Variants in ABTB3 observed in about 807,000 individuals in gnomAD.
ABTB3 encodes the protein ankyrin repeat and BTB domain containing 3, also known as ankyrin repeat- and BTB/POZ domain-containing protein 3.
the ABTB3 span, among the ~76,000 whole-genome samples, chr12:107,338,909 C>T: frequency 2.0e-5 from 3 of 152,150 alleles, no homozygotes; most frequent in Admixed American, 6.5e-5. Flanking sequence ...GCTCTATAGC[C>T]TTGGACTCCC....
chr12:107,339,903 C>A, the ABTB3 span, among the ~76,000 whole-genome samples: 1 of 152,064 alleles, frequency 6.6e-6, no homozygotes, highest in Non-Finnish European at 1.5e-5. Flanking sequence ...AAACCATTAC[C>A]TTTATATTCC....
At chr12:107,526,970 A>G in the ABTB3 span, among the ~76,000 whole-genome samples, 1 of 152,166 alleles carries the variant, frequency 6.6e-6, no homozygotes. Flanking sequence ...TATTTCTTGA[A>G]TATTCCACTC....
chr12:107,343,153 C>T, the ABTB3 span, among the ~76,000 whole-genome samples: 3 of 152,078 alleles, frequency 2.0e-5, no homozygotes, highest in Non-Finnish European at 2.9e-5. Flanking sequence ...TAGCTGGGAC[C>T]ACAAGTGCAC....
At chr12:107,435,776 G>A in the ABTB3 span, among the ~76,000 whole-genome samples, 2 of 152,038 alleles carry the variant, frequency 1.3e-5, no homozygotes, top group African/African-American at 4.8e-5. Flanking sequence ...TTACTTCCTT[G>A]GGATGTAATT....
At chr12:107,601,763 G>A in the ABTB3 span, among the ~76,000 whole-genome samples, 2 of 152,116 alleles carry the variant, frequency 1.3e-5, no homozygotes, top group Non-Finnish European at 1.5e-5. Context: ...TTCATCATAG[G>A]GTTATTATGA....
chr12:107,411,894 C>T, the ABTB3 span, among the ~76,000 whole-genome samples: 1 of 152,208 alleles, frequency 6.6e-6, no homozygotes, highest in Non-Finnish European at 1.5e-5. Flanking sequence ...TAGCCATACT[C>T]AGACCGGTGG....
chr12:107,594,524 T>C, the ABTB3 span, among the ~76,000 whole-genome samples: 1 of 152,212 alleles, frequency 6.6e-6, no homozygotes, highest in Non-Finnish European at 1.5e-5. Context: ...TTTGCTGAGA[T>C]AATATAATTT....
chr12:107,392,215 G>A, the ABTB3 span, among the ~76,000 whole-genome samples: 1 of 152,182 alleles, frequency 6.6e-6, no homozygotes, highest in African/African-American at 2.4e-5. Flanking sequence ...GGCAGGCCGG[G>A]GTCCCTGCCG....
At chr12:107,634,755 C>T in the ABTB3 span, 1 of 152,110 alleles carries the variant, frequency 6.6e-6, no homozygotes, top group Admixed American at 6.5e-5. Context: ...TGTTTGGAGC[C>T]AGTGATTCAG....
the ABTB3 span, among the ~76,000 whole-genome samples, chr12:107,621,985 A>G: frequency 6.6e-6 from 1 of 152,318 alleles, no homozygotes; most frequent in South Asian, 2.1e-4. Context: ...TCATGCCTGT[A>G]ATCCCAGCAC....
chr12:107,429,089 T>C, the ABTB3 span, among the ~76,000 whole-genome samples: 3 of 152,106 alleles, frequency 2.0e-5, no homozygotes, highest in Admixed American at 6.5e-5. Flanking sequence ...TTCTGTGAGG[T>C]GAGTGTGAAG....
the ABTB3 span, among the ~76,000 whole-genome samples, chr12:107,516,346 T>A: frequency 2.6e-5 from 4 of 152,080 alleles, no homozygotes; most frequent in Admixed American, 2.0e-4. Context: ...TTTTCCTGCC[T>A]CAGCTTCCTG....
the ABTB3 span, among the ~76,000 whole-genome samples, chr12:107,341,341 G>T: frequency 1.3e-5 from 2 of 152,158 alleles, no homozygotes; most frequent in Non-Finnish European, 2.9e-5. Context: ...AGACTCCCTG[G>T]CAGGGGAGTC....
At chr12:107,632,184 T>G in the ABTB3 span, among the ~76,000 whole-genome samples, 1 of 152,202 alleles carries the variant, frequency 6.6e-6, no homozygotes, top group African/African-American at 2.4e-5. Flanking sequence ...ACCTCTTCCA[T>G]GTTTAATCAA....
the ABTB3 span, among the ~76,000 whole-genome samples, chr12:107,438,740 C>T: frequency 1.3e-5 from 2 of 152,084 alleles, no homozygotes; most frequent in Admixed American, 1.3e-4. Context: ...CCAAAGTTTG[C>T]GCTGAAGATG....
At chr12:107,558,659 G>A in the ABTB3 span, among the ~76,000 whole-genome samples, 1 of 152,152 alleles carries the variant, frequency 6.6e-6, no homozygotes, top group Non-Finnish European at 1.5e-5. Flanking sequence ...TGCGCCCCTG[G>A]CAGGAGAAGG....
At chr12:107,439,762 G>A in the ABTB3 span, among the ~76,000 whole-genome samples, 1 of 152,116 alleles carries the variant, frequency 6.6e-6, no homozygotes, top group Non-Finnish European at 1.5e-5. Context: ...ATGTACCTGT[G>A]AAATCATTAC....
the ABTB3 span, among the ~76,000 whole-genome samples, chr12:107,554,815 T>G: frequency 6.6e-6 from 1 of 152,200 alleles, no homozygotes; most frequent in Non-Finnish European, 1.5e-5. Flanking sequence ...TTTGTGCATG[T>G]GTCTTATCTC....
chr12:107,503,751 T>A, the ABTB3 span, among the ~76,000 whole-genome samples: 1 of 47,942 alleles, frequency 2.1e-5, no homozygotes, highest in Non-Finnish European at 3.4e-5. Context: ...AGCAAGACCC[T>A]ATCTCAAAAA....
Sources: gnomAD v4.1 joint callset for allele counts (sites outside exome capture counted in the v4.1 genomes callset) on GRCh38, gnomAD v4.1.1 for gene constraint, MANE v1.5 for transcripts, NCBI Gene and HGNC (gene_info 2026-07-23, HGNC 2026-07-21) for gene names.